The following MCC variants were observed in gnomAD, a reference collection of about 807,000 sequenced individuals.
MCC encodes MCC regulator of Wnt signaling pathway.
Under a neutral mutation model 116.2 loss-of-function variants are expected in MCC, and 90 were observed. That is an observed-to-expected ratio of 0.77 (90% CI 0.65 to 0.92). The LOEUF is 0.92. Among genes scored for constraint, MCC ranks in the 40% least tolerant of loss-of-function variants. The probability of loss-of-function intolerance (pLI) is 0.00; values close to 1 mark genes in which losing one functional copy is unlikely to be tolerated. For synonymous variants in MCC, 578 were observed against 510.5 expected, an observed-to-expected ratio of 1.13 and a Z score of -1.78; for missense variants, 1,516 against 1,312.2, an observed-to-expected ratio of 1.16 and a Z score of -2.40.
intron 3 of MCC, among the ~76,000 whole-genome samples, chr5:113,297,514 G>A (rs904489168): frequency 6.6e-6 from 1 of 151,744 alleles, no homozygotes; most frequent in East Asian, 1.9e-4. Context: ...GCAGTAAGCC[G>A]AGACCGCACC....
At chr5:113,144,005 G>C (rs1373543581) in intron 4 of MCC, among the ~76,000 whole-genome samples, 1 of 152,192 alleles carries the variant, frequency 6.6e-6, no homozygotes, top group African/African-American at 2.4e-5. Flanking sequence ...CAAGCTCCTG[G>C]AAGGCAAGGA....
intron 2 of MCC, among the ~76,000 whole-genome samples, chr5:113,380,198 A>G (rs2150391880): frequency 6.6e-6 from 1 of 152,278 alleles, no homozygotes; most frequent in Admixed American, 6.5e-5. Context: ...ATTAAACCGA[A>G]GTTTTTCTTA....
intron 1 of MCC, among the ~76,000 whole-genome samples, chr5:113,473,551 C>A (rs955400809): frequency 6.6e-6 from 1 of 151,988 alleles, no homozygotes; most frequent in African/African-American, 2.4e-5. Context: ...AAAAACAAAA[C>A]AAAACAAAAC....
intron 12 of MCC, among the ~76,000 whole-genome samples, chr5:113,070,851 G>T (rs6866706): frequency 0.34 from 51,660 of 151,886 alleles, 8,766 homozygotes; most frequent in Middle Eastern, 0.39. Context: ...CAAAAAAATC[G>T]ATATTTTGAG....
chr5:113,154,084 A>G (rs1760036560), intron 3 of MCC, among the ~76,000 whole-genome samples: 1 of 152,236 alleles, frequency 6.6e-6, no homozygotes, highest in South Asian at 2.1e-4. Context: ...CTCATGTTTT[A>G]GTGATGGGCT....
Position 113,488,340 on chromosome 5 carries a change from G to A in MCC, c.75C>T (p.Ser25=). 6.8e-7 allele frequency: 1 copy of A among 1,472,832 alleles called. No homozygotes were observed. 91.2% of individuals were successfully genotyped at this position (1,472,832 alleles called of 1,614,324 possible). Residue 25 remains serine, a synonymous_variant, in exon 1 of 19, where the codon AGC becomes AGT. Coordinates refer to ENST00000408903, the MANE Select transcript of MCC (RefSeq NM_001085377.2). ...SGGGGGGSGS[S]SSSSDTSSTG... is the part of the protein sequence containing the mutation. ...TGCTGGACGTGTCGCTGCTGCTGCT[G>A]CTGCTGCCGCTGCCGCCGCCGCCGC...
intron 3 of MCC, among the ~76,000 whole-genome samples, chr5:113,184,179 A>T (rs1031621924): frequency 6.6e-6 from 1 of 152,170 alleles, no homozygotes; most frequent in Non-Finnish European, 1.5e-5. Context: ...GTTGAGACGG[A>T]TTTGGATAAT....
At chr5:113,063,780 T>C (rs55713455) in intron 14 of MCC, among the ~76,000 whole-genome samples, 11,413 of 152,306 alleles carry the variant, frequency 0.075, 477 homozygotes, top group Non-Finnish European at 0.084. Flanking sequence ...AGTTTCCACA[T>C]TGGCAAAGTG....
chr5:113,459,186 G>GT (rs1771673554), intron 1 of MCC, among the ~76,000 whole-genome samples: 1 of 95,694 alleles, frequency 1.0e-5, no homozygotes, highest in Non-Finnish European at 2.1e-5. Flanking sequence ...TGTGAAGTGG[G>GT]TGGGGGGGGG....
At chr5:113,483,906 G>A (rs370786673) in intron 1 of MCC, among the ~76,000 whole-genome samples, 4 of 152,072 alleles carry the variant, frequency 2.6e-5, no homozygotes, top group African/African-American at 9.7e-5. Context: ...ACATGGATGG[G>A]ACTGGAGGCC....
intron 3 of MCC, among the ~76,000 whole-genome samples, chr5:113,339,133 G>C (rs1237660704): frequency 6.6e-6 from 1 of 151,798 alleles, no homozygotes; most frequent in Non-Finnish European, 1.5e-5. Context: ...GGCTGAGACA[G>C]GAGAATTGCT....
chr5:113,376,604 CACAT>C (rs753749851), intron 2 of MCC, among the ~76,000 whole-genome samples: 12 of 151,666 alleles, frequency 7.9e-5, no homozygotes, highest in Non-Finnish European at 1.0e-4. Flanking sequence ...CACACACACA[CACAT>C]ATCAGTATTA....
intron 5 of MCC, among the ~76,000 whole-genome samples, chr5:113,131,577 T>C (rs1420761510): frequency 1.3e-5 from 2 of 152,188 alleles, no homozygotes; most frequent in Non-Finnish European, 2.9e-5. Context: ...CTTAGTTCCA[T>C]GCCTGCAAAA....
intron 1 of MCC, among the ~76,000 whole-genome samples, chr5:113,479,786 TTC>T (rs1481179096): frequency 6.6e-6 from 1 of 152,198 alleles, no homozygotes; most frequent in Non-Finnish European, 1.5e-5. Context: ...GATTATATAT[TTC>T]TTAGTGACAC....
At chr5:113,204,421 A>G (rs1346774741) in intron 3 of MCC, 1 of 152,206 alleles carries the variant, frequency 6.6e-6, no homozygotes, top group African/African-American at 2.4e-5. Context: ...AAATGCATTA[A>G]AATTCTAAAA....
chr5:113,034,774 C>G lies in MCC; in HGVS notation c.2757-5718G>C, dbSNP rs1459995196. On this transcript the variant is annotated intron_variant, in intron 17 of 18. Coordinates refer to ENST00000408903, the MANE Select transcript of MCC (RefSeq NM_001085377.2). ...CTCACCAGTGAGCTCCAAGTTGTTG[C>G]ATCCAGCGGTCTGGTCCCTTCTGTC... is the stretch of plus-strand genomic sequence containing the variant. Among the ~76,000 whole-genome samples the G allele has an allele frequency of 2.0e-5, 3 of 152,254 alleles. No homozygotes were observed. The East Asian group carries it at 5.8e-4, about 29-fold the overall frequency.
At chr5:113,178,705 A>G (rs1057480295) in intron 3 of MCC, among the ~76,000 whole-genome samples, 1 of 152,196 alleles carries the variant, frequency 6.6e-6, no homozygotes, top group African/African-American at 2.4e-5. Context: ...TAACCTCAAC[A>G]ATTTTACCAT....
chr5:113,408,983 A>G (rs1354368024), intron 1 of MCC, among the ~76,000 whole-genome samples: 1 of 152,232 alleles, frequency 6.6e-6, no homozygotes, highest in African/African-American at 2.4e-5. Flanking sequence ...CTCACTGTTT[A>G]GAGATTTTAA....
intron 1 of MCC, among the ~76,000 whole-genome samples, chr5:113,467,158 T>A (rs911491870): frequency 1.3e-5 from 2 of 151,976 alleles, no homozygotes; most frequent in African/African-American, 4.8e-5. Flanking sequence ...GATGGTAGTT[T>A]CTTTTGCTGT....
Sources: allele counts gnomAD v4.1 joint callset (sites outside exome capture counted in the v4.1 genomes callset), GRCh38; gene constraint gnomAD v4.1.1; transcripts MANE v1.5; gene names NCBI Gene and HGNC (gene_info 2026-07-23, HGNC 2026-07-21).